RAB11FIP4: variants seen among roughly 807,000 people sequenced by gnomAD.
RAB11FIP4 encodes rab11 family-interacting protein 4.
A neutral mutation model predicts 74.3 loss-of-function variants in RAB11FIP4; 23 were observed. That is an observed-to-expected ratio of 0.31 (90% CI 0.22 to 0.44). The LOEUF (loss-of-function observed/expected upper bound fraction) is 0.44, where lower values mean the gene tolerates loss of function less well. Among genes scored for constraint, RAB11FIP4 ranks in the 20% least tolerant of loss-of-function variants. The pLI, the probability that RAB11FIP4 is intolerant of heterozygous loss-of-function variation, is 1.00. For missense variants in RAB11FIP4, 630 were observed against 863.9 expected, an observed-to-expected ratio of 0.73 and a Z score of 3.39; for synonymous variants, 360 against 359.9, an observed-to-expected ratio of 1.00 and a Z score of 0.00.
At chr17:31,516,447 A>C (rs925963869) in intron 3 of RAB11FIP4, among the ~76,000 whole-genome samples, 9 of 152,130 alleles carry the variant, frequency 5.9e-5, no homozygotes, top group Admixed American at 5.2e-4. Flanking sequence ...AAAACAAAGA[A>C]TGAAGCAACA....
intron 3 of RAB11FIP4, among the ~76,000 whole-genome samples, chr17:31,472,541 G>A (rs1448302502): frequency 4.6e-5 from 7 of 152,254 alleles, no homozygotes; most frequent in Non-Finnish European, 1.0e-4. Context: ...GGAAGACATG[G>A]TCCCTTCTCT....
At chr17:31,470,370 G>C (rs764234919) in intron 3 of RAB11FIP4, among the ~76,000 whole-genome samples, 3 of 152,216 alleles carry the variant, frequency 2.0e-5, no homozygotes, top group Non-Finnish European at 4.4e-5. Flanking sequence ...AAGGGTGATT[G>C]ATGCTCTGCT....
At chr17:31,413,074 G>C (rs1314532231) in intron 1 of RAB11FIP4, among the ~76,000 whole-genome samples, 1 of 152,216 alleles carries the variant, frequency 6.6e-6, no homozygotes, top group Admixed American at 6.5e-5. Context: ...TCAATTTACT[G>C]AAAGGCCATG....
At chr17:31,524,800 T>C in intron 9 of RAB11FIP4, 1 of 498,282 alleles carries the variant, frequency 2.0e-6, no homozygotes, top group East Asian at 3.7e-5. Flanking sequence ...AGGCCTGAGG[T>C]GGTTCCGGCC....
chr17:31,492,936 G>T (rs369677114), intron 3 of RAB11FIP4, among the ~76,000 whole-genome samples: 156 of 152,116 alleles, frequency 1.0e-3, no homozygotes, highest in Non-Finnish European at 1.9e-3. Flanking sequence ...TCACTTTTTC[G>T]CATGACCTGG....
Position 31,409,436 on chromosome 17 carries a change from T to C in RAB11FIP4, c.159+17425T>C, listed in dbSNP as rs977791199. 2.6e-5 allele frequency among the ~76,000 whole-genome samples: 4 copies of C among 152,154 alleles called. No individual in the cohort carries two copies. The South Asian group carries it at 8.3e-4, about 32-fold the overall frequency. On this transcript the variant is annotated intron_variant, in intron 1 of 14. Coordinates refer to ENST00000621161, the MANE Select transcript of RAB11FIP4 (RefSeq NM_032932.6). ...ATGCTTGGAATGGATGAGTCTCCAC[T>C]TGGCCAGGCCTGGTCAGGTGCCCAT... is the stretch of plus-strand genomic sequence containing the variant.
chr17:31,432,494 GACTACAGGAGGTAC>G (rs1308768551), intron 2 of RAB11FIP4, among the ~76,000 whole-genome samples: 1 of 151,944 alleles, frequency 6.6e-6, no homozygotes, highest in Non-Finnish European at 1.5e-5. Flanking sequence ...GAGTAGCTGA[GACTACAGGAGGTAC>G]ACCACCATGC....
At chr17:31,466,901 C>T (rs573907210) in intron 3 of RAB11FIP4, among the ~76,000 whole-genome samples, 1 of 152,298 alleles carries the variant, frequency 6.6e-6, no homozygotes, top group South Asian at 2.1e-4. Flanking sequence ...CTTATTTATA[C>T]TCAAAGCTTA....
At chr17:31,440,354 CTCTGG>C (rs2071396459) in intron 3 of RAB11FIP4, among the ~76,000 whole-genome samples, 1 of 152,172 alleles carries the variant, frequency 6.6e-6, no homozygotes, top group African/African-American at 2.4e-5. Flanking sequence ...TCTTTCTGGA[CTCTGG>C]TCTGTTATAT....
At chr17:31,434,189 C>A in intron 3 of RAB11FIP4, 67 bp downstream of exon 3, 1 of 1,319,310 alleles carries the variant, frequency 7.6e-7, no homozygotes, top group South Asian at 1.3e-5. Flanking sequence ...TGCCTTTGCT[C>A]CATTTTCAGT....
At chr17:31,521,076 T>G in intron 4 of RAB11FIP4, 90 bp from the exon 5 acceptor site, 2 of 1,052,604 alleles carry the variant, frequency 1.9e-6, no homozygotes, top group Non-Finnish European at 2.7e-6. Flanking sequence ...TAGTGCCAAT[T>G]AAAGGGAAAT....
At chr17:31,487,914 G>T (rs1305118868) in intron 3 of RAB11FIP4, 2 of 437,286 alleles carry the variant, frequency 4.6e-6, no homozygotes, top group Non-Finnish European at 6.1e-6. Context: ...GGGTTACCTG[G>T]GCCCCGCCCC....
chr17:31,465,633 T>C (rs1301529873), intron 3 of RAB11FIP4: 2 of 151,398 alleles, frequency 1.3e-5, no homozygotes, highest in African/African-American at 4.9e-5. Context: ...ATGCTCTATG[T>C]TGATCGGGTA....
intron 3 of RAB11FIP4, among the ~76,000 whole-genome samples, chr17:31,463,173 C>T (rs543253233): frequency 6.6e-6 from 1 of 152,336 alleles, no homozygotes; most frequent in East Asian, 1.9e-4. Flanking sequence ...AGTCCTGCTG[C>T]AAGGCCGCTC....
rs537395833 is a variant in RAB11FIP4 at position 31,517,191 on chromosome 17, C to CGGG, written c.337-451_337-449dup. On this transcript the variant is annotated intron_variant, in intron 3 of 14. Transcript: ENST00000621161. ...AAGGTTGGGGGGCGAGGAGGCGGTG[C>CGGG]GGGGGGGGGGGCGGTGGGGGGGGCG... Among the ~76,000 whole-genome samples the CGGG allele has an allele frequency of 7.0e-3, 299 of 42,682 alleles. 3 individuals are homozygous for CGGG. Among genetic ancestry groups the CGGG allele is most frequent in the Middle Eastern group, 0.014 (1 of 72 alleles). 28.0% of individuals were successfully genotyped at this position (42,682 alleles called of 152,430 possible). A position where few individuals can be genotyped will look rare whatever the true frequency, so the allele number is the denominator to read the frequency against.
At chr17:31,490,117 C>T (rs1350131559) in intron 3 of RAB11FIP4, among the ~76,000 whole-genome samples, 1 of 152,136 alleles carries the variant, frequency 6.6e-6, no homozygotes, top group Non-Finnish European at 1.5e-5. Context: ...ACTCGGAAGG[C>T]TCTGGGCTGC....
At chr17:31,434,902 T>C (rs138235350) in intron 3 of RAB11FIP4, among the ~76,000 whole-genome samples, 77 of 152,330 alleles carry the variant, frequency 5.1e-4, no homozygotes, top group Middle Eastern at 3.4e-3. Context: ...CAAGAATTTG[T>C]AGGCCTGGCG....
At chr17:31,495,157 G>A (rs1477132126) in intron 3 of RAB11FIP4, among the ~76,000 whole-genome samples, 1 of 152,214 alleles carries the variant, frequency 6.6e-6, no homozygotes, top group Non-Finnish European at 1.5e-5. Context: ...GGCTCTGGCT[G>A]GCCACAAGCC....
At chr17:31,445,535 TATA>T (rs2071444099) in intron 3 of RAB11FIP4, among the ~76,000 whole-genome samples, 1 of 11,690 alleles carries the variant, frequency 8.6e-5, no homozygotes, top group Non-Finnish European at 1.4e-4. Context: ...CCCAATTTTA[TATA>T]TATATATATA....
Sources: gnomAD v4.1 joint callset for allele counts (sites outside exome capture counted in the v4.1 genomes callset) on GRCh38, gnomAD v4.1.1 for gene constraint, MANE v1.5 for transcripts, NCBI Gene and HGNC (gene_info 2026-07-23, HGNC 2026-07-21) for gene names.